Variants in CCSER2 observed in about 807,000 individuals in gnomAD.
CCSER2 encodes the protein coiled-coil serine rich protein 2.
CCSER2 carries 46 observed loss-of-function variants against 92.3 expected under a neutral mutation model. The observed-to-expected ratio is 0.50, with a 90% CI of 0.39 to 0.64. The LOEUF is 0.64. Ranked by LOEUF, CCSER2 falls within the 30% of genes least tolerant of loss-of-function variation. The probability of loss-of-function intolerance (pLI) is 0.00; values close to 1 mark genes in which losing one functional copy is unlikely to be tolerated. For synonymous variants in CCSER2, 433 were observed against 431.4 expected (o/e 1.00, Z -0.04); for missense variants, 1,244 against 1,238.9 (o/e 1.00, Z -0.06).
At chr10:84,412,477 C>A (rs1241046901) in intron 3 of CCSER2, among the ~76,000 whole-genome samples, 1 of 151,466 alleles carries the variant, frequency 6.6e-6, no homozygotes, top group East Asian at 1.9e-4. Flanking sequence ...TTTTAGAGCT[C>A]GTTATTGGTC....
chr10:84,328,984 C>T (rs942655061), intron 1 of CCSER2, among the ~76,000 whole-genome samples, 176 bp downstream of exon 1: 1 of 151,760 alleles, frequency 6.6e-6, no homozygotes, highest in Non-Finnish European at 1.5e-5. Context: ...TCGCGAGCCG[C>T]CGGACGCGGG....
intron 6 of CCSER2, among the ~76,000 whole-genome samples, chr10:84,453,026 T>C (rs569213394): frequency 6.6e-6 from 1 of 152,318 alleles, no homozygotes; most frequent in South Asian, 2.1e-4. Context: ...TTTTATCTTT[T>C]TGATCTCCTA....
At chr10:84,442,916 A>C (rs1400066514) in intron 6 of CCSER2, among the ~76,000 whole-genome samples, 1 of 152,192 alleles carries the variant, frequency 6.6e-6, no homozygotes, top group Non-Finnish European at 1.5e-5. Context: ...CTATTTAATA[A>C]ATGGTGTTGG....
intron 3 of CCSER2, chr10:84,389,351 A>G (rs888286636): frequency 9.6e-6 from 5 of 522,000 alleles, no homozygotes; most frequent in Admixed American, 7.7e-5. Flanking sequence ...ATCAAAAGTG[A>G]TATTTTCACC....
At chr10:84,492,319 T>C (rs938963259) in intron 9 of CCSER2, among the ~76,000 whole-genome samples, 1 of 152,108 alleles carries the variant, frequency 6.6e-6, no homozygotes, top group Non-Finnish European at 1.5e-5. Context: ...TTTCTGTATA[T>C]TGACCTTGTA....
At chr10:84,338,306 CAA>C (rs76265260) in intron 1 of CCSER2, among the ~76,000 whole-genome samples, 6 of 146,778 alleles carry the variant, frequency 4.1e-5, no homozygotes, top group Admixed American at 2.0e-4. Context: ...AAAAAAAAAA[CAA>C]AAAAAAACCC....
Position 84,514,560 on chromosome 10 carries a change from T to C in CCSER2, c.*293T>C. 2.7e-6 allele frequency: 1 copy of C among 371,972 alleles called. No homozygotes were observed. Among genetic ancestry groups the C allele is most frequent in the Non-Finnish European group, 4.8e-6 (1 of 207,344 alleles). The allele number at this position is 371,972 out of a possible 1,614,324, so 23.0% of individuals were successfully genotyped here. A position where few individuals can be genotyped will look rare whatever the true frequency, so the allele number is the denominator to read the frequency against. ...ATCCCTCTCCACGTCAGAAAATTCA[T>C]AATATTTTACTGAGCAGGCAAGAAG... On this transcript the variant is annotated 3_prime_UTR_variant, in exon 10 of 10. Transcript: ENST00000372088.
intron 6 of CCSER2, among the ~76,000 whole-genome samples, chr10:84,446,268 G>T (rs1382524479): frequency 6.6e-6 from 1 of 152,048 alleles, no homozygotes; most frequent in Admixed American, 6.5e-5. Context: ...GCTTGTTTTG[G>T]GGATAAAAAT....
chr10:84,396,691 T>C (rs1841860259), intron 3 of CCSER2, among the ~76,000 whole-genome samples: 1 of 152,082 alleles, frequency 6.6e-6, no homozygotes, highest in Non-Finnish European at 1.5e-5. Context: ...GACTGGGTTA[T>C]GAGACTGGCT....
intron 3 of CCSER2, among the ~76,000 whole-genome samples, chr10:84,393,225 T>G (rs1001716099): frequency 3.9e-5 from 6 of 152,200 alleles, no homozygotes; most frequent in African/African-American, 1.4e-4. Context: ...ACCTGCACAA[T>G]GTGGAAAGCT....
At position 84,513,784 on chromosome 10, in the gene CCSER2, T is replaced by C; in HGVS notation, c.2661T>C (p.Ser887=). The change falls in exon 10 of 10, where the codon TCT becomes TCC. Residue 887 remains serine, a synonymous_variant. Transcript: ENST00000372088. The part of the protein sequence containing the change: ...QISDMQFIPT[S]LQTPPESSTV... The stretch of plus-strand genomic sequence containing the variant: ...GTGACATGCAGTTTATACCCACTTC[T>C]CTTCAGACACCTCCCGAGTCAAGTA... The C allele has an allele frequency of 6.5e-7, 1 of 1,536,566 alleles. No homozygotes were observed. Among genetic ancestry groups the C allele is most frequent in the Non-Finnish European group, 8.7e-7 (1 of 1,146,950 alleles).
At chr10:84,396,177 A>C (rs1841819821) in intron 3 of CCSER2, among the ~76,000 whole-genome samples, 1 of 125,798 alleles carries the variant, frequency 7.9e-6, no homozygotes, top group Admixed American at 8.1e-5. Context: ...TTTCTTAGTT[A>C]TTCAACACTG....
rs182052693 is a variant in CCSER2, at chr10:84,369,262, A to G, written c.-39-1752A>G. The stretch of plus-strand genomic sequence containing the variant: ...ACATACTGTTTCCCATAGAGGTAGT[A>G]CTAATTTACATTACCACCAGCAGTA... On this transcript the variant is annotated intron_variant, in intron 1 of 9. Transcript: ENST00000372088. 5.9e-4 allele frequency among the ~76,000 whole-genome samples: 90 copies of G among 152,170 alleles called. 1 individual carries two copies. The East Asian group carries it at 0.016, about 27-fold the overall frequency.
At chr10:84,367,549 G>C (rs1845840788) in intron 1 of CCSER2, among the ~76,000 whole-genome samples, 1 of 151,434 alleles carries the variant, frequency 6.6e-6, no homozygotes, top group African/African-American at 2.4e-5. Context: ...GCTAATTCTT[G>C]TATTTTTTTT....
At chr10:84,331,289 G>T (rs903295282) in intron 1 of CCSER2, among the ~76,000 whole-genome samples, 1 of 152,112 alleles carries the variant, frequency 6.6e-6, no homozygotes, top group Non-Finnish European at 1.5e-5. Flanking sequence ...AAATCTGCTT[G>T]CACTTTCTCC....
At chr10:84,392,141 G>A (rs1175750016) in intron 3 of CCSER2, 33 of 606,692 alleles carry the variant, frequency 5.4e-5, no homozygotes, top group Non-Finnish European at 8.6e-5. Context: ...TACCCTTTAC[G>A]GGGGGAAGGG....
At chr10:84,384,356 A>G (rs1362969714) in intron 3 of CCSER2, among the ~76,000 whole-genome samples, 1 of 152,196 alleles carries the variant, frequency 6.6e-6, no homozygotes, top group Non-Finnish European at 1.5e-5. Context: ...TCCTTGATGA[A>G]CACACATGCA....
intron 5 of CCSER2, among the ~76,000 whole-genome samples, chr10:84,431,115 TTTA>T (rs554469999): frequency 7.9e-4 from 120 of 152,298 alleles, no homozygotes; most frequent in African/African-American, 2.8e-3. Flanking sequence ...ATATTGATAT[TTTA>T]TTATTAACTA....
chr10:84,422,088 G>C (rs1441647384), intron 4 of CCSER2, among the ~76,000 whole-genome samples: 1 of 152,156 alleles, frequency 6.6e-6, no homozygotes, highest in East Asian at 1.9e-4. Context: ...AGGATTTTTA[G>C]TTTCTATGAC....
Sources: allele counts gnomAD v4.1 joint callset (sites outside exome capture counted in the v4.1 genomes callset), GRCh38; gene constraint gnomAD v4.1.1; transcripts MANE v1.5; gene names NCBI Gene and HGNC (gene_info 2026-07-23, HGNC 2026-07-21).